POLR2B: variants seen among roughly 807,000 people sequenced by gnomAD.
The protein encoded by POLR2B is RNA polymerase II subunit B.
POLR2B carries 57 observed loss-of-function variants against 144.6 expected under a neutral mutation model. The observed-to-expected ratio is 0.39, with a 90% CI of 0.32 to 0.49. POLR2B has a LOEUF of 0.49. Ranked by LOEUF, POLR2B falls within the 20% of genes least tolerant of loss-of-function variation. The probability of loss-of-function intolerance (pLI) is 0.83; values close to 1 mark genes in which losing one functional copy is unlikely to be tolerated. For synonymous variants in POLR2B, 442 were observed against 469.8 expected (o/e 0.94, Z 0.77); for missense variants, 595 against 1,467.4 (o/e 0.41, Z 9.71).
intron 18 of POLR2B, among the ~76,000 whole-genome samples, chr4:57,022,452 T>G (rs1446881116): frequency 6.6e-6 from 1 of 152,088 alleles, no homozygotes; most frequent in African/African-American, 2.4e-5. Flanking sequence ...CACCTAGGAG[T>G]GAGCTTGCTA....
intron 13 of POLR2B, 37 bp downstream of exon 13, chr4:57,011,137 A>AT: frequency 1.5e-6 from 2 of 1,312,370 alleles, no homozygotes; most frequent in Non-Finnish European, 2.2e-6. Flanking sequence ...GGACTGTGAG[A>AT]TTTTTAAACA....
intron 23 of POLR2B, among the ~76,000 whole-genome samples, chr4:57,029,464 A>AT (rs374252628): frequency 6.6e-6 from 1 of 152,048 alleles, no homozygotes; most frequent in Non-Finnish European, 1.5e-5. Flanking sequence ...TCGACCAATG[A>AT]TTTTTTTGTT....
At chr4:57,006,019 C>CA (rs1394225261) in intron 9 of POLR2B, among the ~76,000 whole-genome samples, 5 of 152,128 alleles carry the variant, frequency 3.3e-5, no homozygotes, top group African/African-American at 1.2e-4. Flanking sequence ...GGATTTTGTC[C>CA]TGCTTTGTAC....
At chr4:56,982,592 T>TA (rs1002700328) in intron 1 of POLR2B, among the ~76,000 whole-genome samples, 3 of 151,302 alleles carry the variant, frequency 2.0e-5, no homozygotes, top group African/African-American at 7.3e-5. Context: ...AAGAGAATAT[T>TA]AAAAAAAAAT....
chr4:57,011,278 C>A (rs184024776), intron 13 of POLR2B, among the ~76,000 whole-genome samples, 178 bp downstream of exon 13: 1 of 152,218 alleles, frequency 6.6e-6, no homozygotes, highest in African/African-American at 2.4e-5. Flanking sequence ...GCCTGTAATC[C>A]CAGCACTTTG....
intron 24 of POLR2B, 68 bp downstream of exon 24, chr4:57,030,467 C>A (rs1723880882): frequency 1.7e-6 from 2 of 1,179,788 alleles, no homozygotes; most frequent in South Asian, 1.5e-5. Flanking sequence ...ATTATCCAGG[C>A]AGAATTAGTG....
At chr4:56,998,917 A>G (rs1237462460) in intron 6 of POLR2B, among the ~76,000 whole-genome samples, 3 of 152,176 alleles carry the variant, frequency 2.0e-5, no homozygotes, top group South Asian at 2.1e-4. Flanking sequence ...TATTAGAGGG[A>G]TTATAGTAAT....
In POLR2B at chr4:57,023,170, T is replaced by TA; in HGVS notation, c.2516-159dup. The TA allele has an allele frequency of 1.6e-6, 1 of 642,766 alleles. No individual in the cohort carries two copies. Among genetic ancestry groups the TA allele is most frequent in the South Asian group, 2.1e-5 (1 of 47,912 alleles). 39.8% of individuals were successfully genotyped at this position (642,766 alleles called of 1,614,324 possible). A position where few individuals can be genotyped will look rare whatever the true frequency, so the allele number is the denominator to read the frequency against. ...TTTTTTTTGTTTTCTGTGTGGGCTG[T>TA]AGTATTAGAGTTCAGAATAGTTTGT... On this transcript the variant is annotated intron_variant, in intron 18 of 24. Coordinates refer to ENST00000314595, the MANE Select transcript of POLR2B (RefSeq NM_000938.3). This position sits in a 1 kb window ranked among gnomAD's most constrained non-coding sequence, Gnocchi z 4.3.
intron 3 of POLR2B, among the ~76,000 whole-genome samples, chr4:56,993,549 T>C (rs1722587431): frequency 6.6e-6 from 1 of 152,220 alleles, no homozygotes; most frequent in South Asian, 2.1e-4. Context: ...TTTTCTTCTC[T>C]GAGACTTGAT....
At position 56,993,736 on chromosome 4, in the gene POLR2B, G is replaced by T. The variant is rs541882393; in HGVS notation, c.244-668G>T. The stretch of plus-strand genomic sequence containing the variant: ...TTATATAGAATGATTAGGATATTTT[G>T]TGTGTTTTTTAAAATAAAAAAATCT... On this transcript the variant is annotated intron_variant, in intron 3 of 24. Transcript: ENST00000314595. Among the ~76,000 whole-genome samples the T allele has an allele frequency of 1.6e-3, 241 of 152,116 alleles. 1 individual carries two copies. The highest frequency in any genetic ancestry group is 5.7e-3 in the African/African-American group (237 of 41,518).
chr4:56,998,193 G>A (rs1050647851), intron 6 of POLR2B, among the ~76,000 whole-genome samples: 1 of 151,744 alleles, frequency 6.6e-6, no homozygotes, highest in Non-Finnish European at 1.5e-5. Context: ...TTTGGGGAGT[G>A]CATGTTGTAG....
chr4:56,998,238 G>T (rs76105494), intron 6 of POLR2B, among the ~76,000 whole-genome samples: 573 of 107,152 alleles, frequency 5.3e-3, no homozygotes, highest in Non-Finnish European at 7.1e-3. Flanking sequence ...TTTTTTTTTT[G>T]GAGACTAAGT....
At chr4:57,015,790 C>G in intron 14 of POLR2B, 134 bp downstream of exon 14, 1 of 232,814 alleles carries the variant, frequency 4.3e-6, no homozygotes, top group Non-Finnish European at 7.6e-6. Context: ...GACACAGCCT[C>G]AGCTGTGTCG....
chr4:57,021,137 ATAC>A, intron 17 of POLR2B, 142 bp downstream of exon 17: 2 of 634,108 alleles, frequency 3.2e-6, no homozygotes, highest in South Asian at 3.7e-5. Context: ...ACAGCTGAAG[ATAC>A]TACTTGTATC....
intron 23 of POLR2B, 121 bp downstream of exon 23, chr4:57,025,658 A>G (rs781427175): frequency 3.2e-6 from 2 of 620,880 alleles, no homozygotes; most frequent in Non-Finnish European, 5.7e-6. Context: ...CATTTCAACA[A>G]TTATCGACTG....
intron 1 of POLR2B, among the ~76,000 whole-genome samples, chr4:56,983,854 A>G (rs909075370): frequency 6.7e-6 from 1 of 149,270 alleles, no homozygotes; most frequent in African/African-American, 2.5e-5. Context: ...GATCTTTGTC[A>G]GGAATATTCA....
At chr4:56,979,457 CG>C (rs1466038185) in intron 1 of POLR2B, among the ~76,000 whole-genome samples, 1 of 46,948 alleles carries the variant, frequency 2.1e-5, no homozygotes, top group Non-Finnish European at 4.4e-5. Flanking sequence ...GTGGGGGTGG[CG>C]GGGGGGACTC....
chr4:57,018,150 C>G (rs1723427443), intron 16 of POLR2B, among the ~76,000 whole-genome samples: 4 of 152,102 alleles, frequency 2.6e-5, no homozygotes, highest in Admixed American at 2.0e-4. Context: ...AGCTTGGTCT[C>G]AGTGTGGAGA....
intron 10 of POLR2B, among the ~76,000 whole-genome samples, chr4:57,009,301 C>T (rs556819554): frequency 9.6e-4 from 146 of 152,166 alleles, no homozygotes; most frequent in Middle Eastern, 6.8e-3. Flanking sequence ...CATTCTGTGG[C>T]AATAGCATGG....
Sources: allele counts gnomAD v4.1 joint callset (sites outside exome capture counted in the v4.1 genomes callset), GRCh38; gene constraint gnomAD v4.1.1; non-coding constraint Gnocchi (gnomAD v3.1); transcripts MANE v1.5; gene names NCBI Gene and HGNC (gene_info 2026-07-23, HGNC 2026-07-21).